Variants in BST1 observed in about 807,000 individuals in gnomAD.
The protein encoded by BST1 is bone marrow stromal cell antigen 1, also known as ADP-ribosyl cyclase/cyclic ADP-ribose hydrolase 2.
BST1 carries 49 observed loss-of-function variants against 40.6 expected under a neutral mutation model. The ratio of observed to expected loss-of-function variants is 1.21; its 90% CI spans 0.96 to 1.53. The LOEUF is 1.53. BST1 is among the 40% of genes most tolerant of loss of function. BST1 has a pLI of 0.00. For synonymous variants in BST1, 157 were observed against 159.3 expected, an observed-to-expected ratio of 0.99 and a Z score of 0.11; for missense variants, 423 against 395.9, an observed-to-expected ratio of 1.07 and a Z score of -0.58.
intron 8 of BST1, chr4:15,723,475 C>G (rs1303304156): frequency 1.3e-6 from 1 of 792,632 alleles, no homozygotes; most frequent in Non-Finnish European, 1.5e-6. Context: ...GTCTCGATCT[C>G]CTGGCCTTGT....
At chr4:15,748,036 A>G in the BST1 span, among the ~76,000 whole-genome samples, 2 of 152,100 alleles carry the variant, frequency 1.3e-5, no homozygotes, top group African/African-American at 2.4e-5. Context: ...CCATTCCTAC[A>G]GTTGTATTAG....
At chr4:15,717,292 T>C (rs899585261) in intron 6 of BST1, among the ~76,000 whole-genome samples, 2 of 152,200 alleles carry the variant, frequency 1.3e-5, no homozygotes, top group Non-Finnish European at 2.9e-5. Context: ...TCTGTAAAAA[T>C]TTCCAATTGC....
the BST1 span, among the ~76,000 whole-genome samples, chr4:15,765,571 C>T: frequency 6.6e-6 from 1 of 152,036 alleles, no homozygotes; most frequent in Non-Finnish European, 1.5e-5. Context: ...TCTCTATCCT[C>T]ATCTCCCACA....
chr4:15,760,619 T>C, the BST1 span, among the ~76,000 whole-genome samples: 1 of 151,610 alleles, frequency 6.6e-6, no homozygotes, highest in Non-Finnish European at 1.5e-5. Context: ...GAATTAATAG[T>C]TGTCTGGTAA....
At chr4:15,708,630 G>T (rs111816016) in intron 3 of BST1, among the ~76,000 whole-genome samples, 9 of 152,264 alleles carry the variant, frequency 5.9e-5, no homozygotes, top group African/African-American at 2.2e-4. Context: ...TGTAATCCTA[G>T]CACTTTGGGA....
the BST1 span, among the ~76,000 whole-genome samples, chr4:15,758,248 A>G: frequency 1.3e-5 from 2 of 152,144 alleles, no homozygotes; most frequent in African/African-American, 4.8e-5. Context: ...TCACCCAGGT[A>G]GTGAGCATAG....
intron 1 of BST1, 137 bp from the exon 2 acceptor site, chr4:15,705,378 C>T (rs41267475): frequency 1.7e-5 from 17 of 997,908 alleles, no homozygotes; most frequent in Non-Finnish European, 2.4e-5. Context: ...CATGACAATT[C>T]GTTGTCTTTT....
chr4:15,710,760 T>C (rs913791695), intron 3 of BST1, among the ~76,000 whole-genome samples: 31 of 152,174 alleles, frequency 2.0e-4, no homozygotes, highest in Non-Finnish European at 3.5e-4. Context: ...AATGGCTCAA[T>C]AGTATTGCAT....
downstream of BST1, among the ~76,000 whole-genome samples, chr4:15,733,853 T>G (rs1047628438): frequency 6.6e-6 from 1 of 152,108 alleles, no homozygotes; most frequent in Non-Finnish European, 1.5e-5. Context: ...GAAATTTAGG[T>G]GGGGATACAG....
At chr4:15,758,112 C>T in the BST1 span, among the ~76,000 whole-genome samples, 674 of 152,116 alleles carry the variant, frequency 4.4e-3, 8 homozygotes, top group African/African-American at 0.016. Flanking sequence ...AGCTAGTTAA[C>T]ATATCCATCA....
chr4:15,712,043 T>C (rs1215551340), intron 4 of BST1, among the ~76,000 whole-genome samples, 154 bp downstream of exon 4: 1 of 152,214 alleles, frequency 6.6e-6, no homozygotes, highest in African/African-American at 2.4e-5. Context: ...CTTTGCTATA[T>C]AAAGTTGTGA....
At chr4:15,767,770 C>T in the BST1 span, among the ~76,000 whole-genome samples, 3 of 151,708 alleles carry the variant, frequency 2.0e-5, no homozygotes, top group African/African-American at 7.3e-5. Flanking sequence ...AACACTTTTC[C>T]CTTCTAGTTT....
the BST1 span, among the ~76,000 whole-genome samples, chr4:15,767,718 G>A: frequency 2.6e-5 from 4 of 151,760 alleles, no homozygotes; most frequent in South Asian, 2.1e-4. Flanking sequence ...AGGGGCATAC[G>A]TCACTAATAG....
At chr4:15,722,558 T>C (rs1363082660) in intron 7 of BST1, among the ~76,000 whole-genome samples, 4 of 151,834 alleles carry the variant, frequency 2.6e-5, no homozygotes, top group African/African-American at 9.7e-5. Flanking sequence ...GCTGAGACTA[T>C]AGGCATGAGC....
At chr4:15,714,828 A>G (rs1252734522) in intron 4 of BST1, among the ~76,000 whole-genome samples, 1 of 152,186 alleles carries the variant, frequency 6.6e-6, no homozygotes, top group Admixed American at 6.5e-5. Context: ...GAAGTGGTCT[A>G]TGATTTGTCA....
intron 8 of BST1, chr4:15,731,148 C>T (rs1721349553): frequency 2.5e-6 from 1 of 404,032 alleles, no homozygotes. Flanking sequence ...ATAACACCTT[C>T]TTCATGTGGA....
the BST1 span, among the ~76,000 whole-genome samples, chr4:15,769,672 A>C: frequency 1.2e-3 from 184 of 152,098 alleles, 1 homozygote; most frequent in East Asian, 9.8e-3. Flanking sequence ...CTCTCTCTAT[A>C]TATATATGTA....
At chr4:15,769,651 A>G in the BST1 span, among the ~76,000 whole-genome samples, 1 of 152,080 alleles carries the variant, frequency 6.6e-6, no homozygotes, top group Non-Finnish European at 1.5e-5. Context: ...AGCAGAAAGA[A>G]CAGAATTTCT....
At chr4:15,769,745 G>A in the BST1 span, among the ~76,000 whole-genome samples, 1 of 151,894 alleles carries the variant, frequency 6.6e-6, no homozygotes, top group African/African-American at 2.4e-5. Context: ...AAAGATTAGG[G>A]GAAAAAAAGG....
Sources: gnomAD v4.1 joint callset for allele counts (sites outside exome capture counted in the v4.1 genomes callset) on GRCh38, gnomAD v4.1.1 for gene constraint, MANE v1.5 for transcripts, NCBI Gene and HGNC (gene_info 2026-07-23, HGNC 2026-07-21) for gene names.